The following ZNF236 variants were observed in gnomAD, a reference collection of about 807,000 sequenced individuals.
The protein encoded by ZNF236 is regulated by glucose.
In ZNF236, 50 loss-of-function variants were observed where a neutral mutation model predicts 191.2. The ratio of observed to expected loss-of-function variants is 0.26; its 90% CI spans 0.21 to 0.33. The LOEUF (loss-of-function observed/expected upper bound fraction) is 0.33, where lower values mean the gene tolerates loss of function less well. Ranked by LOEUF, ZNF236 falls within the 10% of genes least tolerant of loss-of-function variation. The probability of loss-of-function intolerance (pLI) is 1.00; values close to 1 mark genes in which losing one functional copy is unlikely to be tolerated. For missense variants in ZNF236, 1,754 were observed against 2,374.5 expected, an observed-to-expected ratio of 0.74 and a Z score of 5.43; for synonymous variants, 907 against 928.8, an observed-to-expected ratio of 0.98 and a Z score of 0.43.
rs1968911226 is a variant in ZNF236, at chr18:76,971,797, AT to A, written c.*3461del. On this transcript the variant is annotated 3_prime_UTR_variant, in exon 31 of 31. Transcript: ENST00000320610. ...GTTTGGCATGTAAATCAATTTCAAG[AT>A]TTATGTACATAAGATTTTTAAAGGA... Among the ~76,000 whole-genome samples the A allele has an allele frequency of 6.6e-6, 1 of 152,236 alleles. No homozygotes were observed. The highest frequency in any genetic ancestry group is 1.5e-5 in the Non-Finnish European group (1 of 68,042).
chr18:76,851,680 G>A lies in ZNF236; in HGVS notation c.199-95G>A, dbSNP rs1009341134. On this transcript the variant is annotated intron_variant, in intron 2 of 30. Coordinates refer to ENST00000320610, the MANE Select transcript of ZNF236 (RefSeq NM_001306089.2). ...CTTCAGAAGTTTCTGTAGATTGTCT[G>A]TACATTATGGTACTTGTTAATATTT... The A allele has an allele frequency of 2.4e-5, 33 of 1,357,634 alleles. No individual in the cohort carries two copies. The South Asian group carries it at 4.7e-4, about 19-fold the overall frequency. 84.1% of individuals were successfully genotyped at this position (1,357,634 alleles called of 1,614,324 possible).
At chr18:76,955,892 AATGTC>A in intron 27 of ZNF236, 88 bp from the exon 28 acceptor site, 1 of 1,395,856 alleles carries the variant, frequency 7.2e-7, no homozygotes, top group South Asian at 1.2e-5. Context: ...CCGTGCTAGG[AATGTC>A]CCTCTTATCA....
At chr18:76,896,301 C>T (rs1363232234) in intron 10 of ZNF236, among the ~76,000 whole-genome samples, 5 of 148,588 alleles carry the variant, frequency 3.4e-5, no homozygotes, top group African/African-American at 1.2e-4. Context: ...CAGGTACAGC[C>T]TGCCGTGCTG....
intron 3 of ZNF236, among the ~76,000 whole-genome samples, chr18:76,854,010 TAAA>T (rs535019679): frequency 7.2e-6 from 1 of 139,040 alleles, no homozygotes. Flanking sequence ...ACTCTGTCTT[TAAA>T]AAAAAAAAAA....
intron 30 of ZNF236, among the ~76,000 whole-genome samples, chr18:76,961,512 C>T (rs1336055043): frequency 1.3e-5 from 2 of 151,932 alleles, no homozygotes; most frequent in African/African-American, 4.8e-5. Context: ...CATAAACATG[C>T]GTGTGCAAGT....
chr18:76,947,139 T>C (rs1000792546), intron 26 of ZNF236, among the ~76,000 whole-genome samples: 18 of 152,218 alleles, frequency 1.2e-4, no homozygotes, highest in Admixed American at 3.3e-4. Context: ...TGATCATCCG[T>C]GTGGTCTTTT....
chr18:76,921,737 CTTT>C (rs11380490), intron 20 of ZNF236, among the ~76,000 whole-genome samples: 1 of 98,042 alleles, frequency 1.0e-5, no homozygotes. Context: ...GTGGGATGTT[CTTT>C]TTTTTTTTTT....
Position 76,864,307 on chromosome 18 carries a change from C to A in ZNF236, c.364-4378C>A, listed in dbSNP as rs561754312. On this transcript the variant is annotated intron_variant, in intron 3 of 30. Coordinates refer to ENST00000320610, the MANE Select transcript of ZNF236 (RefSeq NM_001306089.2). ...CTCCGTCTCCTGGATTCAAGCAATT[C>A]TTCTGCCTCAGCCTCCAGAGTAGCT... Among the ~76,000 whole-genome samples the A allele has an allele frequency of 4.0e-4, 60 of 149,200 alleles. 1 individual carries two copies. The South Asian group carries it at 0.013, about 32-fold the overall frequency.
At position 76,868,772 on chromosome 18, in the gene ZNF236, G is replaced by A. The variant is rs201511721; in HGVS notation, c.451G>A (p.Gly151Arg). ...GGAGGAGCACCGCCAGGAGCTGGCT[G>A]GAACCCGGCAGCATGCCTGCAAGGC... The part of the protein sequence containing the change: ...HMEEHRQELA[G>R]TRQHACKACK... Residue 151 changes from glycine to arginine, a missense_variant, in exon 4 of 31, where the codon GGA (glycine) becomes AGA (arginine). Coordinates refer to ENST00000320610, the MANE Select transcript of ZNF236 (RefSeq NM_001306089.2). 20 of 1,613,934 alleles carry A rather than the reference G, an allele frequency of 1.2e-5. No individual in the cohort carries two copies. Among genetic ancestry groups the A allele is most frequent in the East Asian group, 4.5e-5 (2 of 44,882 alleles).
intron 10 of ZNF236, among the ~76,000 whole-genome samples, chr18:76,898,619 T>C (rs981318348): frequency 4.6e-5 from 7 of 152,092 alleles, no homozygotes; most frequent in African/African-American, 1.7e-4. Flanking sequence ...GAGACATTGC[T>C]AAGTGCTGTT....
In ZNF236 at chr18:76,925,295, G is replaced by T. The variant is rs753817839; in HGVS notation, c.3768G>T (p.Pro1256=). Residue 1256 remains proline (P), a synonymous_variant, in exon 22 of 31, where the codon CCG becomes CCT. Coordinates refer to ENST00000320610, the MANE Select transcript of ZNF236 (RefSeq NM_001306089.2). This position sits in a 1 kb window ranked among gnomAD's most constrained non-coding sequence, Gnocchi z 5.7. ...CGGGAGCCAAGCCCTTCAAATGCCC[G>T]CATTGCGAGCTGCGTTTCCGTACCT... The part of the protein sequence containing the change: ...LHTGAKPFKC[P]HCELRFRTSG... The T allele has an allele frequency of 1.9e-6, 3 of 1,614,038 alleles. No individual in the cohort carries two copies. The highest frequency in any genetic ancestry group is 1.7e-5 in the Admixed American group (1 of 59,998).
At chr18:76,947,458 T>G (rs1968289692) in intron 26 of ZNF236, 63 bp from the exon 27 acceptor site, 1 of 1,570,846 alleles carries the variant, frequency 6.4e-7, no homozygotes, top group African/African-American at 1.4e-5. Context: ...ATAAAAGATC[T>G]TTTAAATTAT....
intron 20 of ZNF236, among the ~76,000 whole-genome samples, chr18:76,921,779 T>G (rs1279489925): frequency 7.0e-6 from 1 of 143,314 alleles, no homozygotes; most frequent in Non-Finnish European, 1.5e-5. Flanking sequence ...TCTCGCTCTG[T>G]CGCCCAGGCT....
At chr18:76,877,942 A>G in intron 6 of ZNF236, 67 bp from the exon 7 acceptor site, 1 of 1,259,498 alleles carries the variant, frequency 7.9e-7, no homozygotes, top group African/African-American at 1.5e-5. Context: ...ATGATTTGCC[A>G]TAATTTAGAT....
chr18:76,831,301 A>T (rs1041321167), intron 1 of ZNF236, among the ~76,000 whole-genome samples: 1 of 152,212 alleles, frequency 6.6e-6, no homozygotes, highest in Non-Finnish European at 1.5e-5. Flanking sequence ...AGCTGGAAGC[A>T]TTCAGTATGC....
At chr18:76,947,444 C>T in intron 26 of ZNF236, 77 bp from the exon 27 acceptor site, 1 of 1,526,620 alleles carries the variant, frequency 6.6e-7, no homozygotes, top group South Asian at 1.2e-5. Context: ...AAGGTAGCTG[C>T]ACCATAAAAG....
intron 27 of ZNF236, among the ~76,000 whole-genome samples, chr18:76,955,659 G>A (rs1463148536): frequency 2.6e-5 from 4 of 152,158 alleles, no homozygotes; most frequent in African/African-American, 9.7e-5. Flanking sequence ...CCATGAGGAC[G>A]CGACCACGGA....
chr18:76,875,611 G>T lies in ZNF236; in HGVS notation c.787G>T (p.Ala263Ser). The change falls in exon 6 of 31, where the codon GCC becomes TCC. Residue 263 changes from alanine (A) to serine (S), a missense_variant. By Grantham distance (99) the Ala-to-Ser change is moderately conservative. Around this residue, in one of 5 missense-constraint regions of ZNF236, gnomAD observed 336 missense variants for 495.1 expected, o/e 0.68. Coordinates refer to ENST00000320610, the MANE Select transcript of ZNF236 (RefSeq NM_001306089.2). The surrounding 1 kb of genome is among the most constrained non-coding windows in gnomAD (Gnocchi z 4.3). ...CCATGCCTGTGCCTTCTGTCCTGCC[G>T]CCTTCTCTCAGAAAGGGAATCTTCA... ...KPHACAFCPA[A>S]FSQKGNLQSH... is the part of the protein sequence containing the mutation. 1.2e-6 allele frequency: 2 copies of T among 1,601,764 alleles called. No individual in the cohort carries two copies. The highest frequency in any genetic ancestry group is 1.7e-6 in the Non-Finnish European group (2 of 1,173,520).
chr18:76,830,511 G>A (rs916395378), intron 1 of ZNF236, among the ~76,000 whole-genome samples: 10 of 152,118 alleles, frequency 6.6e-5, no homozygotes, highest in Non-Finnish European at 1.5e-4. Context: ...TTGTTCCGCA[G>A]GCTCGGTAGC....
Sources: gnomAD v4.1 joint callset for allele counts (sites outside exome capture counted in the v4.1 genomes callset) on GRCh38, gnomAD v4.1.1 for gene constraint, gnomAD v4.1.1 regional missense constraint, Gnocchi (gnomAD v3.1) non-coding constraint, MANE v1.5 for transcripts, NCBI Gene and HGNC (gene_info 2026-07-23, HGNC 2026-07-21) for gene names.